The following RBFOX1 variants were observed in gnomAD, a reference collection of about 807,000 sequenced individuals.
RBFOX1 encodes the protein RNA binding fox-1 homolog 1.
A neutral mutation model predicts 57.7 loss-of-function variants in RBFOX1; 8 were observed. That is an observed-to-expected ratio of 0.14 (90% confidence interval 0.08 to 0.25). The LOEUF (loss-of-function observed/expected upper bound fraction) is 0.25, where lower values mean the gene tolerates loss of function less well. RBFOX1 is among the 10% of genes least tolerant of loss of function. The pLI is 1.00. For synonymous variants in RBFOX1, 326 were observed against 222.4 expected (o/e 1.47, Z -4.15); for missense variants, 611 against 548.5 (o/e 1.11, Z -1.14).
At chr16:6,545,287 C>G (rs2096879512) in intron 2 of RBFOX1, among the ~76,000 whole-genome samples, 1 of 152,162 alleles carries the variant, frequency 6.6e-6, no homozygotes, top group Non-Finnish European at 1.5e-5. Flanking sequence ...CTTTCCCCAT[C>G]TTTTCCCCCT....
intron 2 of RBFOX1, among the ~76,000 whole-genome samples, chr16:6,507,188 C>G (rs1036055045): frequency 7.2e-5 from 11 of 152,138 alleles, no homozygotes; most frequent in African/African-American, 2.7e-4. Context: ...CCAGACATCC[C>G]AAGACCTAGT....
chr16:5,343,796 G>A (rs11863330), intron 1 of RBFOX1, among the ~76,000 whole-genome samples: 2 of 152,042 alleles, frequency 1.3e-5, no homozygotes, highest in African/African-American at 2.4e-5. Flanking sequence ...AAGGCAAAAG[G>A]GTTATTTGAT....
Position 6,879,399 on chromosome 16 carries a change from C to T in RBFOX1, c.-15-172658C>T, listed in dbSNP as rs148931511. 4.7e-3 allele frequency among the ~76,000 whole-genome samples: 721 copies of T among 152,248 alleles called. 6 individuals are homozygous for T. The highest frequency in any genetic ancestry group is 0.017 in the African/African-American group (689 of 41,544). ...CTGCCCTGTTTATATTTATTGGATG[C>T]TCTGGTATGTAATTATTAGAATTTT... On this transcript the variant is annotated intron_variant, in intron 3 of 15. Coordinates refer to ENST00000550418, the MANE Select transcript of RBFOX1 (RefSeq NM_018723.4).
At chr16:7,629,187 T>A (rs1403514066) in intron 10 of RBFOX1, among the ~76,000 whole-genome samples, 2 of 152,066 alleles carry the variant, frequency 1.3e-5, no homozygotes, top group East Asian at 3.9e-4. Context: ...GTGGATGGAG[T>A]TGTCAGACCG....
intron 11 of RBFOX1, among the ~76,000 whole-genome samples, chr16:7,634,450 T>C (rs1037915598): frequency 6.6e-6 from 1 of 151,366 alleles, no homozygotes; most frequent in African/African-American, 2.4e-5. Flanking sequence ...CATCTGTAAA[T>C]AACATCCTTA....
intron 3 of RBFOX1, among the ~76,000 whole-genome samples, chr16:6,828,801 A>G (rs772621860): frequency 6.6e-5 from 10 of 152,172 alleles, no homozygotes; most frequent in Non-Finnish European, 1.0e-4. Flanking sequence ...CGTTTGGTGT[A>G]AAAATGGATG....
At chr16:6,187,065 G>T (rs1174818346) in intron 1 of RBFOX1, among the ~76,000 whole-genome samples, 3 of 152,126 alleles carry the variant, frequency 2.0e-5, no homozygotes, top group African/African-American at 7.2e-5. Flanking sequence ...TTGAGCATCA[G>T]TTATCATGGA....
chr16:5,692,671 C>G (rs969823876), intron 3 of RBFOX1, among the ~76,000 whole-genome samples: 1 of 152,016 alleles, frequency 6.6e-6, no homozygotes, highest in African/African-American at 2.4e-5. Context: ...ACCAGAATCC[C>G]TGGCTGGGGA....
At chr16:7,150,268 C>G (rs779135261) in intron 4 of RBFOX1, among the ~76,000 whole-genome samples, 1 of 152,224 alleles carries the variant, frequency 6.6e-6, no homozygotes, top group African/African-American at 2.4e-5. Context: ...CTCCACCTAT[C>G]TGTACAACCT....
At chr16:6,331,410 G>C (rs1270280961) in intron 2 of RBFOX1, among the ~76,000 whole-genome samples, 1 of 151,644 alleles carries the variant, frequency 6.6e-6, no homozygotes, top group Non-Finnish European at 1.5e-5. Flanking sequence ...TCGCACCACT[G>C]CACTTCATCC....
At chr16:6,002,632 TCTC>T (rs2060621759) in intron 4 of RBFOX1, among the ~76,000 whole-genome samples, 1 of 152,212 alleles carries the variant, frequency 6.6e-6, no homozygotes, top group South Asian at 2.1e-4. Context: ...CACTCTTTCT[TCTC>T]CTACCGTTCT....
chr16:6,064,334 G>A (rs17139298), intron 1 of RBFOX1, among the ~76,000 whole-genome samples: 7,887 of 152,162 alleles, frequency 0.052, 661 homozygotes, highest in African/African-American at 0.18. Context: ...CATTCCAAAT[G>A]CAAGCATGAG....
intron 4 of RBFOX1, among the ~76,000 whole-genome samples, chr16:7,172,599 GA>G (rs143700887): frequency 1.1e-4 from 17 of 149,030 alleles, no homozygotes; most frequent in African/African-American, 2.7e-4. Context: ...TCATATTGGA[GA>G]AAAAAAAAAG....
chr16:7,270,259 C>G (rs1421010048), intron 4 of RBFOX1, among the ~76,000 whole-genome samples: 1 of 152,156 alleles, frequency 6.6e-6, no homozygotes, highest in East Asian at 1.9e-4. Flanking sequence ...GGAAAGCAGC[C>G]TCATTGAAGT....
intron 14 of RBFOX1, among the ~76,000 whole-genome samples, chr16:7,699,905 G>A (rs2080103667): frequency 1.3e-5 from 2 of 152,144 alleles, no homozygotes; most frequent in South Asian, 4.2e-4. Context: ...ATTTGGAGGT[G>A]GGGGATGTTC....
chr16:5,955,011 C>T (rs2059595438), intron 4 of RBFOX1, among the ~76,000 whole-genome samples: 1 of 148,964 alleles, frequency 6.7e-6, no homozygotes, highest in East Asian at 2.0e-4. Context: ...CTGGACGTGG[C>T]AGCTCATCCT....
chr16:5,897,475 G>T (rs926725330), intron 4 of RBFOX1, among the ~76,000 whole-genome samples: 1 of 152,158 alleles, frequency 6.6e-6, no homozygotes, highest in African/African-American at 2.4e-5. Flanking sequence ...GGAAACATAT[G>T]AGTAGGATCA....
chr16:5,555,434 A>G (rs4344747), intron 2 of RBFOX1, among the ~76,000 whole-genome samples: 43,045 of 151,162 alleles, frequency 0.28, 6,763 homozygotes, highest in Non-Finnish European at 0.35. Flanking sequence ...TATTTTTAGT[A>G]CAGACGCGGT....
chr16:7,193,728 C>T (rs2085998413), intron 4 of RBFOX1, among the ~76,000 whole-genome samples: 1 of 152,180 alleles, frequency 6.6e-6, no homozygotes, highest in Non-Finnish European at 1.5e-5. Context: ...ATACAGAGCC[C>T]ATGCTCTGCA....
Sources: allele counts gnomAD v4.1 joint callset (sites outside exome capture counted in the v4.1 genomes callset), GRCh38; gene constraint gnomAD v4.1.1; transcripts MANE v1.5; gene names NCBI Gene and HGNC (gene_info 2026-07-23, HGNC 2026-07-21).